Variants in WFDC9 observed in about 807,000 individuals in gnomAD.
WFDC9 encodes WAP four-disulfide core domain 9, also known as protein WFDC9.
In WFDC9, 9 loss-of-function variants were observed where a neutral mutation model predicts 9.5. That is an observed-to-expected ratio of 0.95 (90% confidence interval 0.57 to 1.65). WFDC9 has a LOEUF of 1.65. Among genes scored for constraint, WFDC9 ranks in the 40% most tolerant of loss-of-function variants. The probability of loss-of-function intolerance (pLI) is 0.00; values close to 1 mark genes in which losing one functional copy is unlikely to be tolerated. For missense variants in WFDC9, 87 were observed against 106.7 expected, an observed-to-expected ratio of 0.82 and a Z score of 0.81; for synonymous variants, 33 against 32.3, an observed-to-expected ratio of 1.02 and a Z score of -0.07.
Position 45,608,031 on chromosome 20 carries a change from C to T in WFDC9, c.*79G>A. On this transcript the variant is annotated 3_prime_UTR_variant, in exon 5 of 5. Coordinates refer to ENST00000326000, the MANE Select transcript of WFDC9 (RefSeq NM_147198.4). ...GTTACCAGCTAGAGCCAGTGGGTGT[C>T]CCAAGAAGGAAGTAGGCAGCACTCT... The T allele has an allele frequency of 6.6e-7, 1 of 1,520,498 alleles. No homozygotes were observed. The highest frequency in any genetic ancestry group is 9.1e-7 in the Non-Finnish European group (1 of 1,098,476). 94.2% of individuals were successfully genotyped at this position (1,520,498 alleles called of 1,614,324 possible). A position where few individuals can be genotyped will look rare whatever the true frequency, so the allele number is the denominator to read the frequency against.
chr20:45,624,268 T>C (rs747633284), intron 1 of WFDC9, among the ~76,000 whole-genome samples: 1 of 152,226 alleles, frequency 6.6e-6, no homozygotes, highest in Non-Finnish European at 1.5e-5. Flanking sequence ...GTTCTACTTT[T>C]TACTTCCATG....
At position 45,630,044 on chromosome 20, in the gene WFDC9, T is replaced by G. The variant is rs796174153; in HGVS notation, c.-153+1159A>C. On this transcript the variant is annotated intron_variant, in intron 1 of 4. Coordinates refer to ENST00000326000, the MANE Select transcript of WFDC9 (RefSeq NM_147198.4). Reference sequence around the variant, plus strand: ...CCACAATGTTGTGTAGACTCTGGACTGTCCCTAAACCATGGCCCTCCAGCC... The same window carrying G: ...CCACAATGTTGTGTAGACTCTGGACGGTCCCTAAACCATGGCCCTCCAGCC... The G allele has an allele frequency of 3.2e-6, 4 of 1,246,848 alleles. No homozygotes were observed. In the African/African-American group the frequency reaches 6.6e-5, roughly 21 times the overall value. The allele number at this position is 1,246,848 out of a possible 1,614,324, so 77.2% of individuals were successfully genotyped here. A position where few individuals can be genotyped will look rare whatever the true frequency, so the allele number is the denominator to read the frequency against.
Position 45,611,341 on chromosome 20 carries a change from C to T in WFDC9, c.-58-1102G>A, listed in dbSNP as rs183444332. Among the ~76,000 whole-genome samples the T allele has an allele frequency of 1.5e-3, 230 of 152,202 alleles. 2 individuals carry two copies. Among genetic ancestry groups the T allele is most frequent in the Admixed American group, 4.5e-3 (69 of 15,282 alleles). ...ACATCCTGTTCCATAACTGGAGCTT[C>T]TGAGGGAGGGAGGAATCCATAGTTC... is the stretch of plus-strand genomic sequence containing the variant. On this transcript the variant is annotated intron_variant, in intron 2 of 4. Coordinates refer to ENST00000326000, the MANE Select transcript of WFDC9 (RefSeq NM_147198.4).
intron 2 of WFDC9, 98 bp from the exon 3 acceptor site, chr20:45,610,337 T>C (rs1981833150): frequency 1.7e-6 from 1 of 572,228 alleles, no homozygotes; most frequent in African/African-American, 1.9e-5. Context: ...TAGTACCCAG[T>C]AGCATACCAA....
intron 1 of WFDC9, among the ~76,000 whole-genome samples, chr20:45,630,523 C>G (rs1224439033): frequency 6.6e-6 from 1 of 152,086 alleles, no homozygotes; most frequent in African/African-American, 2.4e-5. Context: ...TGAAAGATGT[C>G]TCATGCTTCT....
intron 1 of WFDC9, among the ~76,000 whole-genome samples, chr20:45,620,685 T>A (rs774311150): frequency 4.6e-5 from 7 of 152,244 alleles, no homozygotes; most frequent in Non-Finnish European, 1.0e-4. Context: ...TGTACACATA[T>A]ATACAATTGT....
At chr20:45,621,192 A>G (rs1600921541) in intron 1 of WFDC9, among the ~76,000 whole-genome samples, 1 of 152,220 alleles carries the variant, frequency 6.6e-6, no homozygotes, top group Non-Finnish European at 1.5e-5. Context: ...AGACTTAAAG[A>G]TTTCTAAAAC....
At chr20:45,626,381 G>A (rs1982219957) in intron 1 of WFDC9, among the ~76,000 whole-genome samples, 1 of 152,054 alleles carries the variant, frequency 6.6e-6, no homozygotes, top group African/African-American at 2.4e-5. Context: ...GATGGTTTAG[G>A]GTAGTATGGT....
chr20:45,626,842 C>A (rs1982228917), intron 1 of WFDC9, among the ~76,000 whole-genome samples: 1 of 152,196 alleles, frequency 6.6e-6, no homozygotes, highest in Non-Finnish European at 1.5e-5. Context: ...AAGTGAGCAG[C>A]ATGCTCATGG....
At chr20:45,626,287 G>A (rs565783310) in intron 1 of WFDC9, among the ~76,000 whole-genome samples, 116 of 152,220 alleles carry the variant, frequency 7.6e-4, no homozygotes, top group African/African-American at 2.0e-3. Context: ...GGATGTTTGT[G>A]GTTCCATACA....
chr20:45,608,028 T>C lies in WFDC9; in HGVS notation c.*82A>G. 4 of 1,492,330 alleles carry C rather than the reference T, an allele frequency of 2.7e-6. No individual in the cohort carries two copies. The highest frequency in any genetic ancestry group is 3.7e-6 in the Non-Finnish European group (4 of 1,074,224). 92.4% of individuals were successfully genotyped at this position (1,492,330 alleles called of 1,614,324 possible). On this transcript the variant is annotated 3_prime_UTR_variant, in exon 5 of 5. Transcript: ENST00000326000. ...AAGGTTACCAGCTAGAGCCAGTGGG[T>C]GTCCCAAGAAGGAAGTAGGCAGCAC...
intron 1 of WFDC9, among the ~76,000 whole-genome samples, chr20:45,619,491 C>T (rs756512257): frequency 6.0e-4 from 91 of 152,102 alleles, no homozygotes; most frequent in Non-Finnish European, 9.9e-4. Flanking sequence ...GAATTTGTTG[C>T]TACCAGGTCT....
In WFDC9 at chr20:45,629,975, A is replaced by AGT. The variant is rs1355978633; in HGVS notation, c.-153+1226_-153+1227dup. The AGT allele has an allele frequency of 9.5e-6, 15 of 1,571,130 alleles. No homozygotes were observed. In the East Asian group the frequency reaches 3.5e-4, roughly 36 times the overall value. On this transcript the variant is annotated intron_variant, in intron 1 of 4. Coordinates refer to ENST00000326000, the MANE Select transcript of WFDC9 (RefSeq NM_147198.4). ...GAATGGAGGGCCTGTGTCCAGTCTG[A>AGT]GTAGGACCTAGGAGTTGGAAACTCT...
chr20:45,615,440 G>T (rs866892172), intron 1 of WFDC9, among the ~76,000 whole-genome samples: 1 of 152,118 alleles, frequency 6.6e-6, no homozygotes, highest in African/African-American at 2.4e-5. Context: ...AATATTATAC[G>T]CAGTGACAGG....
At chr20:45,611,255 A>G (rs947400778) in intron 2 of WFDC9, among the ~76,000 whole-genome samples, 1 of 151,818 alleles carries the variant, frequency 6.6e-6, no homozygotes, top group Non-Finnish European at 1.5e-5. Context: ...GAGTGGGTGG[A>G]GGAATAGAAT....
chr20:45,610,093 G>C lies in WFDC9; in HGVS notation c.89C>G (p.Pro30Arg). ...PVLGSFWNKDPFLDMIRETEQ... is the reference protein window; with the variant it reads ...PVLGSFWNKDRFLDMIRETEQ... ...CCGTCCCTTTTCACACCACCCACAG[G>C]GATCTTTGTTCCAGAAGCTTCCCAG... The change falls in exon 3 of 5, where the codon CCC becomes CGC. Residue 30 changes from proline (P) to arginine (R), a missense_variant and splice_region_variant. By Grantham distance (103) the Pro-to-Arg change is moderately radical. Coordinates refer to ENST00000326000, the MANE Select transcript of WFDC9 (RefSeq NM_147198.4). 1 of 1,613,870 alleles carries C rather than the reference G, an allele frequency of 6.2e-7. No individual in the cohort carries two copies.
At chr20:45,611,952 A>G (rs1981868274) in intron 2 of WFDC9, among the ~76,000 whole-genome samples, 1 of 152,146 alleles carries the variant, frequency 6.6e-6, no homozygotes, top group Non-Finnish European at 1.5e-5. Flanking sequence ...ATAGGCTTGA[A>G]TTAGAATCCC....
intron 1 of WFDC9, among the ~76,000 whole-genome samples, chr20:45,619,702 G>A (rs1350951099): frequency 6.6e-6 from 1 of 152,100 alleles, no homozygotes; most frequent in Non-Finnish European, 1.5e-5. Flanking sequence ...TGTATTGATA[G>A]GCTTAAAACA....
chr20:45,622,250 T>A (rs1003455905), intron 1 of WFDC9, among the ~76,000 whole-genome samples: 4 of 152,214 alleles, frequency 2.6e-5, no homozygotes, highest in African/African-American at 9.7e-5. Flanking sequence ...TGATTATTCT[T>A]CTTCTTTGGG....
Sources: gnomAD v4.1 joint callset for allele counts (sites outside exome capture counted in the v4.1 genomes callset) on GRCh38, gnomAD v4.1.1 for gene constraint, MANE v1.5 for transcripts, NCBI Gene and HGNC (gene_info 2026-07-23, HGNC 2026-07-21) for gene names.